Variants in MARCHF8 observed in about 807,000 individuals in gnomAD.
The protein encoded by MARCHF8 is E3 ubiquitin-protein ligase MARCHF8.
In MARCHF8, 40 loss-of-function variants were observed where a neutral mutation model predicts 51.6. The ratio of observed to expected loss-of-function variants is 0.77; its 90% CI spans 0.60 to 1.01. The LOEUF (loss-of-function observed/expected upper bound fraction) is 1.01, where lower values mean the gene tolerates loss of function less well. Among genes scored for constraint, MARCHF8 ranks in the 50% least tolerant of loss-of-function variants. The pLI is 0.00. For missense variants in MARCHF8, 685 were observed against 708.6 expected (o/e 0.97, Z 0.38); for synonymous variants, 263 against 280.3 (o/e 0.94, Z 0.62).
chr10:45,459,593 G>T, intron 6 of MARCHF8: 1 of 462,080 alleles, frequency 2.2e-6, no homozygotes, highest in Non-Finnish European at 2.8e-6. Flanking sequence ...AAAACAGTAT[G>T]TTGGCCCAGG....
intron 6 of MARCHF8, among the ~76,000 whole-genome samples, chr10:45,460,699 G>C (rs1484361209): frequency 6.6e-6 from 1 of 152,216 alleles, no homozygotes; most frequent in African/African-American, 2.4e-5. Flanking sequence ...TGCGTGTCAT[G>C]CAATGCCTGT....
intron 3 of MARCHF8, among the ~76,000 whole-genome samples, chr10:45,478,801 T>C (rs1021607653): frequency 7.9e-5 from 12 of 152,096 alleles, no homozygotes; most frequent in Admixed American, 2.0e-4. Context: ...CCTACCATGA[T>C]TGATCAGAAA....
At chr10:45,552,770 C>T (rs2044209609) in intron 1 of MARCHF8, among the ~76,000 whole-genome samples, 1 of 152,200 alleles carries the variant, frequency 6.6e-6, no homozygotes, top group Non-Finnish European at 1.5e-5. Flanking sequence ...AAGCTACTCT[C>T]TAACAATGTG....
chr10:45,470,977 T>G (rs1222686037), intron 3 of MARCHF8, among the ~76,000 whole-genome samples: 4 of 152,214 alleles, frequency 2.6e-5, no homozygotes, highest in Non-Finnish European at 4.4e-5. Context: ...TTCTGTGGCT[T>G]TTCTGTGGCT....
rs76341490 is a variant in MARCHF8, at chr10:45,524,245, G to T, written c.102+8865C>A. ...AAAACAAGCCTACAAAGCAGAAAAT[G>T]ACCATTTAGTAAAGAAGTCATCTTT... On this transcript the variant is annotated intron_variant, in intron 2 of 7. Coordinates refer to ENST00000453424, the MANE Select transcript of MARCHF8 (RefSeq NM_001282866.2). Among the ~76,000 whole-genome samples the T allele has an allele frequency of 3.8e-3, 575 of 152,262 alleles. 12 individuals carry two copies. The East Asian group carries it at 0.052, about 14-fold the overall frequency.
intron 1 of MARCHF8, among the ~76,000 whole-genome samples, chr10:45,541,544 A>G (rs1257760409): frequency 6.6e-6 from 1 of 152,236 alleles, no homozygotes; most frequent in Non-Finnish European, 1.5e-5. Context: ...CGTTGTGCAC[A>G]TGTACCCTAA....
chr10:45,594,896 A>T (rs918798048), exon 1 of MARCHF8: 3 of 152,108 alleles, frequency 2.0e-5, no homozygotes, highest in Non-Finnish European at 4.4e-5. Flanking sequence ...CCTCCGCGGG[A>T]GGACACCGAG....
intron 3 of MARCHF8, among the ~76,000 whole-genome samples, chr10:45,467,478 A>G (rs1843007188): frequency 6.6e-6 from 1 of 152,198 alleles, no homozygotes; most frequent in Non-Finnish European, 1.5e-5. Context: ...TCAAGAAAAT[A>G]ATTTTAAAGA....
At chr10:45,584,528 A>T (rs2044596915) in intron 1 of MARCHF8, among the ~76,000 whole-genome samples, 1 of 152,148 alleles carries the variant, frequency 6.6e-6, no homozygotes, top group Non-Finnish European at 1.5e-5. Context: ...AAGAACTCCA[A>T]TGTCTGCTAA....
chr10:45,486,526 G>A (rs1033250369), intron 3 of MARCHF8, among the ~76,000 whole-genome samples: 7 of 152,150 alleles, frequency 4.6e-5, no homozygotes, highest in South Asian at 2.1e-4. Context: ...ATTGCACCAC[G>A]GCACTCCAGC....
intron 1 of MARCHF8, among the ~76,000 whole-genome samples, chr10:45,550,157 TG>T (rs1467055637): frequency 6.6e-6 from 1 of 152,192 alleles, no homozygotes; most frequent in Non-Finnish European, 1.5e-5. Context: ...TTTTATAAGG[TG>T]TTTTCACACC....
intron 1 of MARCHF8, among the ~76,000 whole-genome samples, chr10:45,558,827 T>C (rs531314133): frequency 6.6e-6 from 1 of 152,208 alleles, no homozygotes; most frequent in South Asian, 2.1e-4. Context: ...ATATTAACTG[T>C]TTTATAATTA....
intron 2 of MARCHF8, among the ~76,000 whole-genome samples, chr10:45,530,397 G>A (rs540608955): frequency 2.2e-4 from 33 of 152,154 alleles, no homozygotes; most frequent in Admixed American, 9.8e-4. Context: ...AACAATATGA[G>A]AAACTGGGTG....
chr10:45,580,419 C>T (rs552514577), intron 1 of MARCHF8, among the ~76,000 whole-genome samples: 4 of 152,156 alleles, frequency 2.6e-5, no homozygotes, highest in African/African-American at 9.7e-5. Flanking sequence ...TTTATGAGAT[C>T]TCACCCCTCA....
intron 3 of MARCHF8, among the ~76,000 whole-genome samples, chr10:45,469,179 ACCACTG>A (rs1843075091): frequency 6.6e-6 from 1 of 152,050 alleles, no homozygotes; most frequent in African/African-American, 2.4e-5. Context: ...AGAGAGAGGC[ACCACTG>A]CCATCTGTGC....
intron 2 of MARCHF8, among the ~76,000 whole-genome samples, chr10:45,517,027 G>C (rs1473971173): frequency 6.6e-6 from 1 of 152,178 alleles, no homozygotes; most frequent in African/African-American, 2.4e-5. Context: ...TGGGAACACT[G>C]GATTGTAAAA....
chr10:45,532,011 G>A (rs2043895556), intron 2 of MARCHF8, among the ~76,000 whole-genome samples: 1 of 152,076 alleles, frequency 6.6e-6, no homozygotes, highest in Admixed American at 6.6e-5. Flanking sequence ...CTCTCACGGG[G>A]CCCTGCAAGT....
intron 3 of MARCHF8, among the ~76,000 whole-genome samples, chr10:45,482,580 C>T (rs531701446): frequency 8.0e-4 from 122 of 152,080 alleles, no homozygotes; most frequent in Non-Finnish European, 1.5e-3. Flanking sequence ...TTGGTGAAAC[C>T]CCATCACTAC....
chr10:45,502,110 T>C (rs1161210056), intron 2 of MARCHF8, among the ~76,000 whole-genome samples: 4 of 152,180 alleles, frequency 2.6e-5, no homozygotes, highest in Non-Finnish European at 5.9e-5. Flanking sequence ...GAAATAGCTA[T>C]TGCTCTCCTG....
Sources: gnomAD v4.1 joint callset for allele counts (sites outside exome capture counted in the v4.1 genomes callset) on GRCh38, gnomAD v4.1.1 for gene constraint, MANE v1.5 for transcripts, NCBI Gene and HGNC (gene_info 2026-07-23, HGNC 2026-07-21) for gene names.